The following RIMS2 variants were observed in gnomAD, a reference collection of about 807,000 sequenced individuals.
RIMS2 encodes regulating synaptic membrane exocytosis protein 2.
Under a neutral mutation model 174.4 loss-of-function variants are expected in RIMS2, and 59 were observed. That is an observed-to-expected ratio of 0.34 (90% CI 0.27 to 0.42). The LOEUF (loss-of-function observed/expected upper bound fraction) is 0.42. Ranked by LOEUF, RIMS2 falls within the 10% of genes least tolerant of loss-of-function variation. The pLI, the probability that RIMS2 is intolerant of heterozygous loss-of-function variation, is 1.00. For missense variants in RIMS2, 1,620 were observed against 1,666.3 expected, an observed-to-expected ratio of 0.97 and a Z score of 0.48; for synonymous variants, 606 against 572.5, an observed-to-expected ratio of 1.06 and a Z score of -0.84.
At chr8:103,683,707 G>T (rs1400509683) in intron 1 of RIMS2, among the ~76,000 whole-genome samples, 1 of 152,132 alleles carries the variant, frequency 6.6e-6, no homozygotes, top group Non-Finnish European at 1.5e-5. Context: ...GCACAGTATG[G>T]CACAAAGGTA....
intron 2 of RIMS2, among the ~76,000 whole-genome samples, chr8:103,713,115 T>C (rs945667111): frequency 1.3e-5 from 2 of 152,092 alleles, no homozygotes; most frequent in African/African-American, 4.8e-5. Flanking sequence ...ACTTCCTGGG[T>C]TCAAGTGATT....
At chr8:103,783,905 T>G (rs1180318949) in intron 3 of RIMS2, among the ~76,000 whole-genome samples, 1 of 152,136 alleles carries the variant, frequency 6.6e-6, no homozygotes, top group African/African-American at 2.4e-5. Flanking sequence ...GTGTCCCTAT[T>G]TCTCCACATC....
chr8:103,627,278 CG>C (rs2095809351), intron 1 of RIMS2, among the ~76,000 whole-genome samples: 1 of 152,190 alleles, frequency 6.6e-6, no homozygotes, highest in Non-Finnish European at 1.5e-5. Context: ...TGCCCGACCC[CG>C]CAGGCAGTCA....
rs138769479 is a variant in RIMS2, at chr8:103,933,126, A to C, written c.2375+1733A>C. Among the ~76,000 whole-genome samples, 970 of 152,254 alleles carry C rather than the reference A, an allele frequency of 6.4e-3. 12 individuals are homozygous for C. The highest frequency in any genetic ancestry group is 0.022 in the African/African-American group (902 of 41,556). On this transcript the variant is annotated intron_variant, in intron 12 of 23. Coordinates refer to ENST00000504942, the Ensembl canonical transcript of RIMS2. ...GCTAACAAGGTGAAACCCCGTCTCT[A>C]CTAAAAAATACAAAAAGTTAGCCAG...
chr8:103,958,827 T>G (rs2088651590), intron 14 of RIMS2, among the ~76,000 whole-genome samples: 2 of 151,898 alleles, frequency 1.3e-5, no homozygotes, highest in Non-Finnish European at 2.9e-5. Flanking sequence ...GGTTGAGGAG[T>G]CTGAGAAAAG....
At chr8:103,590,030 TG>T (rs1588428933) in intron 1 of RIMS2, among the ~76,000 whole-genome samples, 1 of 151,356 alleles carries the variant, frequency 6.6e-6, no homozygotes, top group Admixed American at 6.6e-5. Context: ...CACAACGTGG[TG>T]ACTATAGTTA....
chr8:104,174,854 A>G (rs1446164276), intron 19 of RIMS2, among the ~76,000 whole-genome samples: 1 of 152,178 alleles, frequency 6.6e-6, no homozygotes, highest in Non-Finnish European at 1.5e-5. Flanking sequence ...CCTGATCCCT[A>G]TTAAAGTGTT....
At chr8:103,831,482 C>T (rs999795796) in intron 3 of RIMS2, among the ~76,000 whole-genome samples, 4 of 152,148 alleles carry the variant, frequency 2.6e-5, no homozygotes, top group South Asian at 2.1e-4. Flanking sequence ...CCAAGCCAGA[C>T]GCTAGGCTTC....
At chr8:103,988,381 C>G (rs1055151642) in intron 16 of RIMS2, among the ~76,000 whole-genome samples, 2 of 152,070 alleles carry the variant, frequency 1.3e-5, no homozygotes, top group Non-Finnish European at 2.9e-5. Flanking sequence ...ATATGACATG[C>G]CATGTCTTAA....
intron 16 of RIMS2, among the ~76,000 whole-genome samples, chr8:103,988,003 T>C (rs1565699975): frequency 6.6e-6 from 1 of 152,224 alleles, no homozygotes; most frequent in East Asian, 1.9e-4. Context: ...TAAATTAATT[T>C]ATAAATCTAA....
In RIMS2 at chr8:103,826,429, A is replaced by C. The variant is rs532093209; in HGVS notation, c.699-58869A>C. Among the ~76,000 whole-genome samples, 12 of 151,960 alleles carry C rather than the reference A, an allele frequency of 7.9e-5. No individual in the cohort carries two copies. In the East Asian group the frequency reaches 2.1e-3, roughly 27 times the overall value. The stretch of plus-strand genomic sequence containing the variant: ...TAGTGTGAGGTAGGGGTCAAGATTA[A>C]TATTTTTTCCATTTGGTTATCCAGT... On this transcript the variant is annotated intron_variant, in intron 3 of 23. Transcript: ENST00000504942.
chr8:104,116,227 C>T (rs2098275748), intron 19 of RIMS2, among the ~76,000 whole-genome samples: 2 of 152,050 alleles, frequency 1.3e-5, no homozygotes, highest in South Asian at 4.1e-4. Context: ...GTAAATTAAA[C>T]TCTGACTCTG....
intron 1 of RIMS2, among the ~76,000 whole-genome samples, chr8:103,562,784 A>G (rs2091798487): frequency 6.6e-6 from 1 of 152,154 alleles, no homozygotes. Context: ...TCCCTGCAGC[A>G]AACTTCTGCC....
intron 2 of RIMS2, among the ~76,000 whole-genome samples, chr8:103,763,755 G>A (rs1335461257): frequency 6.6e-6 from 1 of 152,134 alleles, no homozygotes; most frequent in African/African-American, 2.4e-5. Flanking sequence ...TAACAGATGA[G>A]GAAAATTAAG....
intron 15 of RIMS2, among the ~76,000 whole-genome samples, chr8:103,973,363 A>G (rs1469990127): frequency 6.6e-6 from 1 of 152,178 alleles, no homozygotes; most frequent in African/African-American, 2.4e-5. Flanking sequence ...GCTGTGCATA[A>G]TCATGGACTA....
intron 16 of RIMS2, among the ~76,000 whole-genome samples, chr8:103,985,636 A>C (rs1565685780): frequency 6.6e-6 from 1 of 152,104 alleles, no homozygotes; most frequent in Non-Finnish European, 1.5e-5. Context: ...ATGTACTCAC[A>C]AAGTTAAAAA....
intron 4 of RIMS2, among the ~76,000 whole-genome samples, chr8:103,906,547 A>G (rs1296439249): frequency 6.6e-6 from 1 of 152,192 alleles, no homozygotes; most frequent in Non-Finnish European, 1.5e-5. Flanking sequence ...CACCCAGCAT[A>G]TATGACAGGT....
intron 14 of RIMS2, among the ~76,000 whole-genome samples, chr8:103,949,821 A>G (rs534046930): frequency 2.6e-5 from 4 of 152,302 alleles, no homozygotes; most frequent in Non-Finnish European, 5.9e-5. Flanking sequence ...CAGAAAGTCA[A>G]TTGAGAAAGT....
rs549511253 is a variant in RIMS2 at position 104,190,701 on chromosome 8, A to G, written c.3335-54215A>G. Among the ~76,000 whole-genome samples the G allele has an allele frequency of 8.2e-4, 125 of 152,060 alleles. 1 individual carries two copies. The highest frequency in any genetic ancestry group is 1.3e-3 in the Non-Finnish European group (90 of 67,992). On this transcript the variant is annotated intron_variant, in intron 19 of 23. Coordinates refer to ENST00000504942, the Ensembl canonical transcript of RIMS2. Reference sequence around the variant, plus strand: ...AGTGGGCTATCTCCTCTTTCCCTATAGATATGAGAGCATGCATTTTTTTTG... The same window carrying G: ...AGTGGGCTATCTCCTCTTTCCCTATGGATATGAGAGCATGCATTTTTTTTG...
Sources: allele counts gnomAD v4.1 joint callset (sites outside exome capture counted in the v4.1 genomes callset), GRCh38; gene constraint gnomAD v4.1.1; transcripts MANE v1.5; gene names NCBI Gene and HGNC (gene_info 2026-07-23, HGNC 2026-07-21).